TUBB4A: variants seen among roughly 807,000 people sequenced by gnomAD.
The protein encoded by TUBB4A is tubulin beta 4A class IVa, also known as tubulin beta-4A chain.
TUBB4A carries 13 observed loss-of-function variants against 35.1 expected under a neutral mutation model. That is an observed-to-expected ratio of 0.37 (90% CI 0.24 to 0.59). TUBB4A has a LOEUF of 0.59. TUBB4A is among the 20% of genes least tolerant of loss of function. The pLI, the probability that TUBB4A is intolerant of heterozygous loss-of-function variation, is 0.71. For synonymous variants in TUBB4A, 279 were observed against 272.4 expected, an observed-to-expected ratio of 1.02 and a Z score of -0.24; for missense variants, 299 against 647.2, an observed-to-expected ratio of 0.46 and a Z score of 5.84.
Position 6,495,224 on chromosome 19 carries a change from G to T in TUBB4A, c.1275C>A (p.Tyr425Ter). 1.9e-6 allele frequency: 3 copies of T among 1,613,866 alleles called. No individual in the cohort carries two copies. Among genetic ancestry groups the T allele is most frequent in the South Asian group, 1.1e-5 (1 of 91,080 alleles). ...MNDLVSEYQQ[Y>*]QDATAEEGEF... Reference sequence around the variant, plus strand: ...CGCCCTCCTCGGCCGTGGCGTCCTGGTACTGCTGGTACTCAGATACCAGGT... The same window carrying T: ...CGCCCTCCTCGGCCGTGGCGTCCTGTTACTGCTGGTACTCAGATACCAGGT... Residue 425 changes from tyrosine (Y) to a stop codon, truncating the protein, a stop_gained, in exon 4 of 4, where the codon TAC becomes TAA. Coordinates refer to ENST00000264071, the MANE Select transcript of TUBB4A (RefSeq NM_006087.4). LOFTEE classifies it high-confidence loss of function. This position sits in a 1 kb window ranked among gnomAD's most constrained non-coding sequence, Gnocchi z 8.7.
At position 6,501,111 on chromosome 19, in the gene TUBB4A, A is replaced by T. The variant is rs891515125; in HGVS notation, c.277+176T>A. The T allele has an allele frequency of 5.2e-6, 3 of 581,252 alleles. No homozygotes were observed. Among genetic ancestry groups the T allele is most frequent in the Non-Finnish European group, 9.1e-6 (3 of 327,890 alleles). 36.0% of individuals were successfully genotyped at this position (581,252 alleles called of 1,614,324 possible). A position where few individuals can be genotyped will look rare whatever the true frequency, so the allele number is the denominator to read the frequency against. On this transcript the variant is annotated intron_variant, in intron 3 of 3. Transcript: ENST00000264071. This position sits in a 1 kb window ranked among gnomAD's most constrained non-coding sequence, Gnocchi z 4.2. ...ATCCTTCTCTGTATCCGCCCTCCTC[A>T]GGGCTCTCACAGTGGCCTGAGCATC... is the stretch of plus-strand genomic sequence containing the variant.
At chr19:6,502,349 G>C, upstream of TUBB4A, 1 of 991,582 alleles carries the variant, frequency 1.0e-6, no homozygotes, top group Non-Finnish European at 1.4e-6. Flanking sequence ...GAGCGGGCGG[G>C]GCACGCGTCA....
chr19:6,502,109 G>A (rs1355426397), intron 1 of TUBB4A, 47 bp downstream of exon 1: 1 of 1,518,956 alleles, frequency 6.6e-7, no homozygotes, highest in Non-Finnish European at 8.8e-7. Context: ...ACCCCGCGGT[G>A]CTCCCCGGGG....
In TUBB4A at chr19:6,501,635, G is replaced by C. The variant is rs545680914; in HGVS notation, c.58-12C>G. 43 of 1,610,864 alleles carry C rather than the reference G, an allele frequency of 2.7e-5. No homozygotes were observed. The South Asian group carries it at 4.7e-4, about 18-fold the overall frequency. ...ATAACCTCCCAAAACTAGAGAGAGA[G>C]GTGGTCGGAAGAGTTGAGAGAGGGG... On this transcript the variant is annotated splice_polypyrimidine_tract_variant and intron_variant, in intron 1 of 3. Coordinates refer to ENST00000264071, the MANE Select transcript of TUBB4A (RefSeq NM_006087.4). This position sits in a 1 kb window ranked among gnomAD's most constrained non-coding sequence, Gnocchi z 4.2.
intron 3 of TUBB4A, among the ~76,000 whole-genome samples, chr19:6,499,712 A>G (rs1225650029): frequency 1.3e-5 from 2 of 152,210 alleles, no homozygotes. Context: ...ATAGTAATGA[A>G]AACAACGACA....
At chr19:6,500,630 A>G (rs1339114778) in intron 3 of TUBB4A, 1 of 151,846 alleles carries the variant, frequency 6.6e-6, no homozygotes, top group Non-Finnish European at 1.5e-5. Flanking sequence ...AGGTCCAGCT[A>G]CTTGGGAGAC....
At position 6,501,638 on chromosome 19, in the gene TUBB4A, G is replaced by T; in HGVS notation, c.58-15C>A. 1.2e-6 allele frequency: 2 copies of T among 1,607,210 alleles called. No homozygotes were observed. Among genetic ancestry groups the T allele is most frequent in the South Asian group, 2.2e-5 (2 of 90,518 alleles). On this transcript the variant is annotated splice_polypyrimidine_tract_variant and intron_variant, in intron 1 of 3. Transcript: ENST00000264071. The surrounding 1 kb of genome is among the most constrained non-coding windows in gnomAD (Gnocchi z 4.2). ...ACCTCCCAAAACTAGAGAGAGAGGT[G>T]GTCGGAAGAGTTGAGAGAGGGGAAG...
intron 3 of TUBB4A, among the ~76,000 whole-genome samples, chr19:6,500,350 T>G (rs543277452): frequency 1.3e-5 from 2 of 152,140 alleles, no homozygotes; most frequent in South Asian, 4.1e-4. Flanking sequence ...CCCAGGCTGG[T>G]CTCGAACTCC....
At position 6,495,983 on chromosome 19, in the gene TUBB4A, C is replaced by T. The variant is rs141399672; in HGVS notation, c.516G>A (p.Ser172=). ...CCACCACCGTGTCTGACACTTTGGG[C>T]GAGGGCACCACGCTGAAGGTGTTCA... ...RIMNTFSVVP[S]PKVSDTVVEP... The change falls in exon 4 of 4, where the codon TCG becomes TCA. Residue 172 remains serine, a synonymous_variant. Transcript: ENST00000264071. This position sits in a 1 kb window ranked among gnomAD's most constrained non-coding sequence, Gnocchi z 8.7. 3.8e-5 allele frequency: 61 copies of T among 1,614,180 alleles called. No homozygotes were observed. In the African/African-American group the frequency reaches 5.9e-4, roughly 16 times the overall value.
intron 3 of TUBB4A, among the ~76,000 whole-genome samples, chr19:6,500,003 C>A (rs923173431): frequency 6.6e-6 from 1 of 152,112 alleles, no homozygotes. Flanking sequence ...GTTAGTCAGG[C>A]TGGTCTCAAA....
At position 6,502,224 on chromosome 19, in the gene TUBB4A, T is replaced by G; in HGVS notation, c.-12A>C. 3 of 1,538,508 alleles carry G rather than the reference T, an allele frequency of 1.9e-6. No homozygotes were observed. The highest frequency in any genetic ancestry group is 5.1e-5 in the East Asian group (2 of 39,050). On this transcript the variant is annotated 5_prime_UTR_variant, in exon 1 of 4. Coordinates refer to ENST00000264071, the MANE Select transcript of TUBB4A (RefSeq NM_006087.4). ...ACGATCTCCCGCATGGCGGTGGCGC[T>G]GAGGGTGGACGCGGCGGCGGTGGCA...
Position 6,496,214 on chromosome 19 carries a change from G to A in TUBB4A, c.285C>T (p.Ser95=), listed in dbSNP as rs767100230. The part of the protein sequence containing the change: ...FRPDNFVFGQ[S]GAGNNWAKGH... ...CCTTTGCCCAGTTGTTGCCGGCTCC[G>A]GATTGGCCTAGAGAGGGAAGGGGAG... Residue 95 remains serine, a synonymous_variant, in exon 4 of 4, where the codon TCC becomes TCT. Coordinates refer to ENST00000264071, the MANE Select transcript of TUBB4A (RefSeq NM_006087.4). The A allele has an allele frequency of 1.2e-5, 20 of 1,609,750 alleles. No homozygotes were observed. Among genetic ancestry groups the A allele is most frequent in the Admixed American group, 5.0e-5 (3 of 59,834 alleles).
rs1368586638 is a variant in TUBB4A, at chr19:6,495,809, C to T, written c.690G>A (p.Ser230=). ...PTYGDLNHLV[S]ATMSGVTTCL... ...AGGTGGTGACCCCGCTCATGGTGGC[C>T]GACACCAGGTGGTTGAGGTCCCCGT... The change falls in exon 4 of 4, where the codon TCG becomes TCA. Residue 230 remains serine, a synonymous_variant. Coordinates refer to ENST00000264071, the MANE Select transcript of TUBB4A (RefSeq NM_006087.4). The surrounding 1 kb of genome is among the most constrained non-coding windows in gnomAD (Gnocchi z 8.7). 8.7e-6 allele frequency: 14 copies of T among 1,614,074 alleles called. No homozygotes were observed. Among genetic ancestry groups the T allele is most frequent in the Middle Eastern group, 1.6e-4 (1 of 6,084 alleles).
chr19:6,501,463 T>G lies in TUBB4A; in HGVS notation c.166+52A>C, dbSNP rs113429689. The G allele has an allele frequency of 2.0e-3, 3,203 of 1,605,502 alleles. 64 individuals carry two copies. The African/African-American group carries it at 0.038, about 19-fold the overall frequency. On this transcript the variant is annotated intron_variant, in intron 2 of 3. Transcript: ENST00000264071. This position sits in a 1 kb window ranked among gnomAD's most constrained non-coding sequence, Gnocchi z 4.2. ...GAACCACAGGCGCCCGGTAGCATCCTGTTCCCTCCCAGCTGCCCCTTCCCA... is the reference window on the plus strand; with the variant it reads ...GAACCACAGGCGCCCGGTAGCATCCGGTTCCCTCCCAGCTGCCCCTTCCCA...
chr19:6,498,921 A>G (rs986709951), intron 3 of TUBB4A, among the ~76,000 whole-genome samples: 1 of 152,176 alleles, frequency 6.6e-6, no homozygotes, highest in Non-Finnish European at 1.5e-5. Flanking sequence ...ATCAAGATGA[A>G]ATGAGATTGG....
intron 3 of TUBB4A, 78 bp from the exon 4 acceptor site, chr19:6,496,299 A>G: frequency 7.2e-7 from 1 of 1,387,744 alleles, no homozygotes; most frequent in South Asian, 1.4e-5. Flanking sequence ...CACCACCTGG[A>G]GGGCCTCTAG....
chr19:6,501,427 A>G lies in TUBB4A; in HGVS notation c.167-30T>C, dbSNP rs1299454466. On this transcript the variant is annotated intron_variant, in intron 2 of 3. Coordinates refer to ENST00000264071, the MANE Select transcript of TUBB4A (RefSeq NM_006087.4). This position sits in a 1 kb window ranked among gnomAD's most constrained non-coding sequence, Gnocchi z 4.2. ...AGGGAAACAGATGGAGGGCAGTTCG[A>G]TGCGTGCCAGGAACCACAGGCGCCC... 1.2e-6 allele frequency: 2 copies of G among 1,607,986 alleles called. No individual in the cohort carries two copies. The highest frequency in any genetic ancestry group is 1.7e-6 in the Non-Finnish European group (2 of 1,175,588).
chr19:6,502,506 G>A (rs898481558), upstream of TUBB4A: 1 of 410,286 alleles, frequency 2.4e-6, no homozygotes, highest in South Asian at 3.8e-5. Context: ...CCCTGCCTTG[G>A]GGGTGAGGCC....
At position 6,501,879 on chromosome 19, in the gene TUBB4A, GCT is replaced by G. The variant is rs1291418324; in HGVS notation, c.58-258_58-257del. On this transcript the variant is annotated intron_variant, in intron 1 of 3. Transcript: ENST00000264071. This position sits in a 1 kb window ranked among gnomAD's most constrained non-coding sequence, Gnocchi z 4.2. ...GCTGCAGCCCGGGGGAGGCACCGGG[GCT>G]CTTTGTGCGTGAGGAGGGGACAGTG... 1 of 586,522 alleles carries G rather than the reference GCT, an allele frequency of 1.7e-6. No homozygotes were observed. The highest frequency in any genetic ancestry group is 2.9e-5 in the East Asian group (1 of 34,648). 36.3% of individuals were successfully genotyped at this position (586,522 alleles called of 1,614,324 possible).
Sources: gnomAD v4.1 joint callset for allele counts (sites outside exome capture counted in the v4.1 genomes callset) on GRCh38, gnomAD v4.1.1 for gene constraint, Gnocchi (gnomAD v3.1) non-coding constraint, MANE v1.5 for transcripts, NCBI Gene and HGNC (gene_info 2026-07-23, HGNC 2026-07-21) for gene names.